The following ADGRV1 variants were observed in gnomAD, a reference collection of about 807,000 sequenced individuals.
The protein encoded by ADGRV1 is adhesion G protein-coupled receptor V1, also known as G-protein coupled receptor 98.
A neutral mutation model predicts 596.2 loss-of-function variants in ADGRV1; 359 were observed. The observed-to-expected ratio is 0.60, with a 90% CI of 0.55 to 0.66. The LOEUF is 0.66. ADGRV1 is among the 30% of genes least tolerant of loss of function. ADGRV1 has a pLI of 0.00. For missense variants in ADGRV1, 7,274 were observed against 7,575.6 expected, an observed-to-expected ratio of 0.96 and a Z score of 1.48; for synonymous variants, 2,681 against 2,679.2, an observed-to-expected ratio of 1.00 and a Z score of -0.02.
intron 87 of ADGRV1, among the ~76,000 whole-genome samples, chr5:91,121,088 C>A (rs757662357): frequency 1.6e-4 from 24 of 152,206 alleles, no homozygotes; most frequent in South Asian, 6.2e-4. Context: ...GTAGGAGAAT[C>A]GCTTCAACCC....
chr5:90,752,686 A>G (rs1309322923), intron 53 of ADGRV1, among the ~76,000 whole-genome samples: 1 of 152,222 alleles, frequency 6.6e-6, no homozygotes, highest in African/African-American at 2.4e-5. Flanking sequence ...CAATACAGCA[A>G]TCCCATTACT....
chr5:90,714,459 ATT>A (rs1243792729), intron 42 of ADGRV1, among the ~76,000 whole-genome samples: 3 of 151,910 alleles, frequency 2.0e-5, no homozygotes, highest in South Asian at 2.1e-4. Flanking sequence ...TATTATAAAA[ATT>A]TTTTTAAATT....
At chr5:90,633,681 A>G (rs1187272971) in intron 9 of ADGRV1, among the ~76,000 whole-genome samples, 1 of 152,032 alleles carries the variant, frequency 6.6e-6, no homozygotes, top group Non-Finnish European at 1.5e-5. Context: ...GACTTTAATT[A>G]TTTATCTTTA....
At chr5:90,752,056 A>C (rs1755323383) in intron 53 of ADGRV1, among the ~76,000 whole-genome samples, 1 of 151,992 alleles carries the variant, frequency 6.6e-6, no homozygotes, top group Admixed American at 6.5e-5. Flanking sequence ...GTAAAGGGCC[A>C]GATAGTAAAT....
chr5:90,712,323 G>A lies in ADGRV1; in HGVS notation c.9079G>A (p.Val3027Ile). The change falls in exon 42 of 90, where the codon GTC (valine) becomes ATC (isoleucine). Residue 3027 changes from valine to isoleucine, a missense_variant. Val to Ile is a conservative substitution (Grantham distance 29). Coordinates refer to ENST00000405460, the MANE Select transcript of ADGRV1 (RefSeq NM_032119.4). Reference protein sequence around the residue: ...HFADGERYKNVNIMILDDDIP... With the variant: ...HFADGERYKNINIMILDDDIP... ...TGCTGATGGAGAAAGGTATAAAAAT[G>A]TCAATATCATGATTCTTGATGATGA... 6.4e-7 allele frequency: 1 copy of A among 1,556,722 alleles called. No homozygotes were observed. The highest frequency in any genetic ancestry group is 8.7e-7 in the Non-Finnish European group (1 of 1,147,038).
At chr5:90,567,117 T>C (rs1405330717) in intron 1 of ADGRV1, among the ~76,000 whole-genome samples, 11 of 152,180 alleles carry the variant, frequency 7.2e-5, no homozygotes, top group Admixed American at 7.2e-4. Context: ...TGGTTCTTGA[T>C]GGTGAACCAA....
At chr5:90,767,818 A>C (rs1293745067) in intron 59 of ADGRV1, among the ~76,000 whole-genome samples, 1 of 152,176 alleles carries the variant, frequency 6.6e-6, no homozygotes, top group East Asian at 1.9e-4. Flanking sequence ...TCTATTTGCC[A>C]TGCACATGTT....
At chr5:90,829,226 T>C (rs1439322993) in intron 77 of ADGRV1, 40 bp downstream of exon 77, 133 of 1,377,970 alleles carry the variant, frequency 9.7e-5, no homozygotes, top group Non-Finnish European at 1.3e-4. Flanking sequence ...GTTATGGTTT[T>C]CTTCTTTAAC....
Position 90,692,768 on chromosome 5 carries a change from A to C in ADGRV1, c.7115A>C (p.Asn2372Thr), listed in dbSNP as rs1161789625. The C allele has an allele frequency of 1.3e-6, 2 of 1,599,610 alleles. No homozygotes were observed. The highest frequency in any genetic ancestry group is 2.7e-5 in the African/African-American group (2 of 74,564). ...QEPLERSSCA[N>T]ITVRRSGGHF... is the part of the protein sequence containing the mutation. ...CCTCTGGAAAGAAGTTCCTGTGCTA[A>C]TATAACTGTCAGGCGAAGGTATATG... Residue 2372 changes from asparagine to threonine, a missense_variant, in exon 32 of 90, where the codon AAT (asparagine) becomes ACT (threonine). Physicochemically the swap from Asn to Thr is moderately conservative, Grantham distance 65. Coordinates refer to ENST00000405460, the MANE Select transcript of ADGRV1 (RefSeq NM_032119.4).
chr5:90,721,524 T>A (rs1157060565), intron 45 of ADGRV1, among the ~76,000 whole-genome samples: 36 of 47,944 alleles, frequency 7.5e-4, no homozygotes, highest in Non-Finnish European at 1.3e-3. Flanking sequence ...TAAAATAAAA[T>A]AAAAATAAAA....
chr5:90,606,630 C>T (rs1196411371), intron 1 of ADGRV1, among the ~76,000 whole-genome samples: 4 of 152,192 alleles, frequency 2.6e-5, no homozygotes, highest in Non-Finnish European at 1.5e-5. Context: ...AATAAAATGG[C>T]AGTTTCCATT....
intron 16 of ADGRV1, among the ~76,000 whole-genome samples, chr5:90,647,202 A>G (rs1041853055): frequency 3.9e-5 from 6 of 152,186 alleles, no homozygotes. Flanking sequence ...TTACATCCTC[A>G]ACTTAGAAAT....
At chr5:90,611,917 A>T (rs1272486646) in intron 1 of ADGRV1, among the ~76,000 whole-genome samples, 1 of 151,988 alleles carries the variant, frequency 6.6e-6, no homozygotes, top group East Asian at 1.9e-4. Context: ...TTCTAATGGG[A>T]ACTTCATTTT....
chr5:90,684,845 A>G (rs1745401778), intron 28 of ADGRV1, among the ~76,000 whole-genome samples: 2 of 152,206 alleles, frequency 1.3e-5, no homozygotes, highest in Admixed American at 6.5e-5. Flanking sequence ...TGACAGTATT[A>G]ATTAAGAATG....
chr5:90,807,136 C>G (rs1761983181), intron 72 of ADGRV1, among the ~76,000 whole-genome samples: 1 of 152,200 alleles, frequency 6.6e-6, no homozygotes, highest in African/African-American at 2.4e-5. Context: ...CAGGCGTGAG[C>G]CACTGTGCCT....
chr5:90,612,602 T>C (rs1371306101), intron 1 of ADGRV1, among the ~76,000 whole-genome samples: 1 of 152,044 alleles, frequency 6.6e-6, no homozygotes, highest in African/African-American at 2.4e-5. Flanking sequence ...GCCTTCTTCA[T>C]AGAGATATTG....
intron 29 of ADGRV1, among the ~76,000 whole-genome samples, chr5:90,687,655 G>C (rs1196304586): frequency 6.6e-6 from 1 of 152,114 alleles, no homozygotes; most frequent in Non-Finnish European, 1.5e-5. Context: ...AAATCCCATT[G>C]TCTCAGCGCA....
chr5:90,931,351 T>A (rs993126629), intron 83 of ADGRV1: 4 of 152,296 alleles, frequency 2.6e-5, no homozygotes, highest in East Asian at 3.9e-4. Context: ...GTGGAAGGGA[T>A]GAGTTTTCCA....
chr5:90,989,789 T>G (rs1315110723), intron 85 of ADGRV1, among the ~76,000 whole-genome samples: 1 of 152,158 alleles, frequency 6.6e-6, no homozygotes, highest in Non-Finnish European at 1.5e-5. Flanking sequence ...TGTAACTGAA[T>G]TGCTTGATGT....
Sources: gnomAD v4.1 joint callset for allele counts (sites outside exome capture counted in the v4.1 genomes callset) on GRCh38, gnomAD v4.1.1 for gene constraint, MANE v1.5 for transcripts, NCBI Gene and HGNC (gene_info 2026-07-23, HGNC 2026-07-21) for gene names.